Variants in WWP1 observed in about 807,000 individuals in gnomAD.
WWP1 encodes WW domain containing E3 ubiquitin protein ligase 1, also known as NEDD4-like E3 ubiquitin-protein ligase WWP1.
A neutral mutation model predicts 130.6 loss-of-function variants in WWP1; 49 were observed. That is an observed-to-expected ratio of 0.38 (90% CI 0.30 to 0.48). The LOEUF is 0.48. WWP1 is among the 20% of genes least tolerant of loss of function. WWP1 has a pLI of 0.99. For synonymous variants in WWP1, 332 were observed against 367.8 expected (o/e 0.90, Z 1.11); for missense variants, 809 against 1,100.6 (o/e 0.74, Z 3.75).
chr8:86,456,027 A>G (rs534280408), intron 21 of WWP1, among the ~76,000 whole-genome samples: 1 of 152,130 alleles, frequency 6.6e-6, no homozygotes, highest in East Asian at 1.9e-4. Context: ...TATCTTTTCA[A>G]CAAATGATGT....
chr8:86,432,800 G>A (rs1360920740), intron 14 of WWP1, among the ~76,000 whole-genome samples: 1 of 151,970 alleles, frequency 6.6e-6, no homozygotes, highest in Non-Finnish European at 1.5e-5. Context: ...TAGAGATGGG[G>A]TTTCGCCATG....
At chr8:86,383,532 A>G (rs1825106708) in intron 5 of WWP1, among the ~76,000 whole-genome samples, 1 of 152,132 alleles carries the variant, frequency 6.6e-6, no homozygotes, top group South Asian at 2.1e-4. Context: ...ACCTGAGGTC[A>G]AGAGTTTGAG....
chr8:86,381,015 AT>A (rs959643554), intron 4 of WWP1, 151 bp downstream of exon 4: 3,668 of 944,384 alleles, frequency 3.9e-3, no homozygotes, highest in South Asian at 5.1e-3. Context: ...TTTTGGTTAA[AT>A]TTTTTTTTTA....
chr8:86,380,816 C>T lies in WWP1; in HGVS notation c.161C>T (p.Ala54Val). 1.2e-6 allele frequency: 2 copies of T among 1,613,144 alleles called. No homozygotes were observed. The highest frequency in any genetic ancestry group is 1.7e-6 in the Non-Finnish European group (2 of 1,179,590). ...VVVDGEITKT[A>V]KSSSSSNPKW... Reference sequence around the variant, plus strand: ...GTAGATGGAGAAATTACGAAAACAGCAAAATCCAGTAGTTCTTCTAATCCA... The same window carrying T: ...GTAGATGGAGAAATTACGAAAACAGTAAAATCCAGTAGTTCTTCTAATCCA... The change falls in exon 4 of 25, where the codon GCA becomes GTA. Residue 54 changes from alanine (A) to valine (V), a missense_variant. Ala to Val is a moderately conservative substitution (Grantham distance 64, BLOSUM62 0). Transcript: ENST00000517970.
chr8:86,381,517 A>G lies in WWP1; in HGVS notation c.222A>G (p.Pro74=), dbSNP rs945990649. 1.9e-6 allele frequency: 3 copies of G among 1,607,852 alleles called. No homozygotes were observed. Among genetic ancestry groups the G allele is most frequent in the Non-Finnish European group, 2.5e-6 (3 of 1,178,662 alleles). ...WDEQLTVNVT[P]QTTLEFQVWS... is the part of the protein sequence containing the mutation. ...TTTACCCTTCCAGAAATGTTACGCC[A>G]CAGACTACATTGGAATTTCAAGTTT... is the stretch of plus-strand genomic sequence containing the variant. Residue 74 remains proline (P), a synonymous_variant, in exon 5 of 25, where the codon CCA becomes CCG. Transcript: ENST00000517970.
chr8:86,381,184 AG>A (rs1430249696), intron 4 of WWP1, among the ~76,000 whole-genome samples: 1 of 152,206 alleles, frequency 6.6e-6, no homozygotes, highest in African/African-American at 2.4e-5. Context: ...GTATAGTAAA[AG>A]TATCATGTAA....
chr8:86,457,834 T>G (rs573577360), intron 21 of WWP1, 87 bp from the exon 22 acceptor site: 1 of 1,228,458 alleles, frequency 8.1e-7, no homozygotes, highest in East Asian at 2.4e-5. Context: ...ATTTGCCATG[T>G]GCATAACTGC....
At chr8:86,349,027 G>C (rs968556552) in intron 1 of WWP1, among the ~76,000 whole-genome samples, 3 of 152,008 alleles carry the variant, frequency 2.0e-5, no homozygotes, top group Non-Finnish European at 4.4e-5. Context: ...GAAGCAACCA[G>C]ATCTTTTTTT....
intron 3 of WWP1, among the ~76,000 whole-genome samples, chr8:86,378,323 A>G (rs1180438306): frequency 2.6e-5 from 4 of 152,110 alleles, no homozygotes; most frequent in African/African-American, 4.8e-5. Flanking sequence ...GGAATATATC[A>G]TATCATTTTT....
rs757334475 is a variant in WWP1 at position 86,448,260 on chromosome 8, A to T, written c.2111A>T (p.Tyr704Phe). ...KDLESIDTEF[Y>F]NSLIWIRDNN... ...TTGGAATCTATTGATACTGAATTTT[A>T]TAACTCCCTTATCTGGATAAGGTTT... The change falls in exon 19 of 25, where the codon TAT becomes TTT. Residue 704 changes from tyrosine (Y) to phenylalanine (F), a missense_variant. Physicochemically the swap from Tyr to Phe is conservative, Grantham distance 22. Coordinates refer to ENST00000517970, the MANE Select transcript of WWP1 (RefSeq NM_007013.4). 2.5e-6 allele frequency: 4 copies of T among 1,582,610 alleles called. No homozygotes were observed. Among genetic ancestry groups the T allele is most frequent in the Non-Finnish European group, 3.4e-6 (4 of 1,172,042 alleles).
chr8:86,395,356 T>C (rs1277978207), intron 5 of WWP1, among the ~76,000 whole-genome samples: 1 of 152,194 alleles, frequency 6.6e-6, no homozygotes, highest in East Asian at 1.9e-4. Flanking sequence ...CATGACTGTG[T>C]TCAAATAAAA....
chr8:86,427,611 GATT>G (rs1563523225), intron 10 of WWP1, 29 bp from the exon 11 acceptor site: 1 of 1,536,624 alleles, frequency 6.5e-7, no homozygotes, highest in East Asian at 2.3e-5. Flanking sequence ...TATATTGAGA[GATT>G]ATTGTTTATT....
At position 86,467,495 on chromosome 8, in the gene WWP1, A is replaced by G. The variant is rs1380409042; in HGVS notation, c.*602A>G. 1 of 152,498 alleles carries G rather than the reference A, an allele frequency of 6.6e-6. No individual in the cohort carries two copies. Among genetic ancestry groups the G allele is most frequent in the Non-Finnish European group, 1.5e-5 (1 of 68,040 alleles). The allele number at this position is 152,498 out of a possible 1,614,324, so 9.4% of individuals were successfully genotyped here. ...ATAGTTGAAAATTTTTCTCTGTTAC[A>G]TCAGTAATATTGTTAAAGTAATGGA... On this transcript the variant is annotated 3_prime_UTR_variant, in exon 25 of 25. Transcript: ENST00000517970.
At chr8:86,459,926 G>C (rs1457674395) in intron 22 of WWP1, among the ~76,000 whole-genome samples, 1 of 152,190 alleles carries the variant, frequency 6.6e-6, no homozygotes, top group Non-Finnish European at 1.5e-5. Flanking sequence ...CTTGTGTTCT[G>C]ATGAAATATG....
chr8:86,454,557 C>G (rs925388130), intron 21 of WWP1, among the ~76,000 whole-genome samples: 3 of 152,026 alleles, frequency 2.0e-5, no homozygotes, highest in South Asian at 4.1e-4. Context: ...TAAAAACCAT[C>G]GACTTCATTT....
At chr8:86,461,436 C>A in intron 23 of WWP1, 116 bp downstream of exon 23, 1 of 901,098 alleles carries the variant, frequency 1.1e-6, no homozygotes, top group Non-Finnish European at 1.7e-6. Context: ...GTAGGTAGGG[C>A]TTCATTTAGA....
At position 86,460,790 on chromosome 8, in the gene WWP1, C is replaced by CTTTTTTTT. The variant is rs59506795; in HGVS notation, c.2500-404_2500-397dup. On this transcript the variant is annotated intron_variant, in intron 22 of 24. Transcript: ENST00000517970. ...ACCCTACAACCTCTTTTTAGCACAT[C>CTTTTTTTT]TTTTTTTTTTTTTTTTTTTTTTTTT... Among the ~76,000 whole-genome samples, 64 of 62,402 alleles carry CTTTTTTTT rather than the reference C, an allele frequency of 1.0e-3. 15 individuals carry two copies. Among genetic ancestry groups the CTTTTTTTT allele is most frequent in the East Asian group, 2.5e-3 (3 of 1,184 alleles). The allele number at this position is 62,402 out of a possible 152,430, so 40.9% of individuals were successfully genotyped here.
rs1563547154 is a variant in WWP1 at position 86,452,795 on chromosome 8, C to T, written c.2394+116C>T. The T allele has an allele frequency of 6.1e-6, 8 of 1,307,900 alleles. No homozygotes were observed. In the Admixed American group the frequency reaches 6.7e-5, roughly 11 times the overall value. 81.0% of individuals were successfully genotyped at this position (1,307,900 alleles called of 1,614,324 possible). On this transcript the variant is annotated intron_variant, in intron 21 of 24. Transcript: ENST00000517970. ...AAATCCTGTAGCACAATCTTGAATCCTCTCATTTGTCCTGATGTCAAGGTG... is the reference window on the plus strand; with the variant it reads ...AAATCCTGTAGCACAATCTTGAATCTTCTCATTTGTCCTGATGTCAAGGTG...
chr8:86,467,106 C>A lies in WWP1; in HGVS notation c.*213C>A, dbSNP rs1187277844. ...TGAAATGACTGACCAGGAAAAAGAT[C>A]ATCCTTAAATTTTGAAGCAAGTGAG... On this transcript the variant is annotated 3_prime_UTR_variant, in exon 25 of 25. Coordinates refer to ENST00000517970, the MANE Select transcript of WWP1 (RefSeq NM_007013.4). 7.1e-6 allele frequency: 3 copies of A among 423,140 alleles called. No individual in the cohort carries two copies. In the East Asian group the frequency reaches 1.4e-4, roughly 20 times the overall value. 26.2% of individuals were successfully genotyped at this position (423,140 alleles called of 1,614,324 possible). A position where few individuals can be genotyped will look rare whatever the true frequency, so the allele number is the denominator to read the frequency against.
Sources: gnomAD v4.1 joint callset for allele counts (sites outside exome capture counted in the v4.1 genomes callset) on GRCh38, gnomAD v4.1.1 for gene constraint, MANE v1.5 for transcripts, NCBI Gene and HGNC (gene_info 2026-07-23, HGNC 2026-07-21) for gene names.